The following VPS53 variants were observed in gnomAD, a reference collection of about 807,000 sequenced individuals.
VPS53 encodes VPS53 subunit of GARP complex.
A neutral mutation model predicts 107.0 loss-of-function variants in VPS53; 70 were observed. The observed-to-expected ratio is 0.65, with a 90% CI of 0.54 to 0.80. The LOEUF (loss-of-function observed/expected upper bound fraction) is 0.80, where lower values mean the gene tolerates loss of function less well. Ranked by LOEUF, VPS53 falls within the 30% of genes least tolerant of loss-of-function variation. The pLI is 0.00. For missense variants in VPS53, 917 were observed against 1,049.4 expected (o/e 0.87, Z 1.74); for synonymous variants, 409 against 393.3 (o/e 1.04, Z -0.47).
intron 7 of VPS53, among the ~76,000 whole-genome samples, chr17:633,844 T>G (rs1371537222): frequency 6.6e-6 from 1 of 152,190 alleles, no homozygotes; most frequent in Non-Finnish European, 1.5e-5. Flanking sequence ...CTTCGGAGCT[T>G]CTTGTGATGC....
chr17:714,419 G>A (rs915260252), intron 1 of VPS53: 42 of 584,000 alleles, frequency 7.2e-5, no homozygotes, highest in Non-Finnish European at 9.9e-5. Context: ...CCTCGCCAAA[G>A]ACAATCAAAG....
At position 512,833 on chromosome 17, in the gene VPS53, T is replaced by G. The variant is rs1908035263; in HGVS notation, c.*6295A>C. The G allele has an allele frequency of 6.6e-6, 1 of 151,416 alleles. No homozygotes were observed. The highest frequency in any genetic ancestry group is 2.1e-4 in the South Asian group (1 of 4,764). 9.4% of individuals were successfully genotyped at this position (151,416 alleles called of 1,614,324 possible). On this transcript the variant is annotated 3_prime_UTR_variant, in exon 22 of 22. Coordinates refer to ENST00000437048, the MANE Select transcript of VPS53 (RefSeq NM_001128159.3). ...CACAAGACTTCCCAAAGAGTTTTCA[T>G]GGCAAAACGTCCATCCAGCTACTAA...
chr17:687,475 C>G (rs1411017963), intron 4 of VPS53, among the ~76,000 whole-genome samples: 2 of 151,480 alleles, frequency 1.3e-5, no homozygotes, highest in Non-Finnish European at 2.9e-5. Context: ...ACTCAGGAGG[C>G]TGAGGCAGGG....
chr17:714,719 C>G lies in VPS53; in HGVS notation c.-10G>C, dbSNP rs764806197. The G allele has an allele frequency of 1.2e-6, 2 of 1,613,370 alleles. No homozygotes were observed. Among genetic ancestry groups the G allele is most frequent in the South Asian group, 1.1e-5 (1 of 91,076 alleles). On this transcript the variant is annotated 5_prime_UTR_variant, in exon 1 of 22. Transcript: ENST00000437048. ...CCTCCTCCTCCATCATTCCGCCACC[C>G]GGCCCCCTGCCGACCCCCGCCGCGA...
intron 11 of VPS53, among the ~76,000 whole-genome samples, chr17:610,178 C>G (rs945251073): frequency 1.6e-5 from 2 of 124,206 alleles, no homozygotes; most frequent in African/African-American, 6.3e-5. Flanking sequence ...CACACACACA[C>G]AAATTAGTAG....
intron 7 of VPS53, among the ~76,000 whole-genome samples, chr17:641,233 G>A (rs1462541851): frequency 6.6e-6 from 1 of 152,188 alleles, no homozygotes; most frequent in Non-Finnish European, 1.5e-5. Context: ...ATCACTGATG[G>A]TATCTATAGA....
chr17:660,355 G>A (rs1447723296), intron 5 of VPS53, among the ~76,000 whole-genome samples: 1 of 152,158 alleles, frequency 6.6e-6, no homozygotes, highest in Non-Finnish European at 1.5e-5. Flanking sequence ...CACTGAAAGA[G>A]CTCAACAAAG....
At chr17:626,072 G>A (rs1380149522) in intron 10 of VPS53, among the ~76,000 whole-genome samples, 1 of 152,136 alleles carries the variant, frequency 6.6e-6, no homozygotes, top group Non-Finnish European at 1.5e-5. Context: ...TAGCCGGTGT[G>A]GTGGCACACA....
Position 541,191 on chromosome 17 carries a change from C to G in VPS53, c.1867-4015G>C, listed in dbSNP as rs553209975. ...TTACTCAGGCACACACGTACACGCT[C>G]ACTCTCACTCTGATGCCTGGTGGGG... On this transcript the variant is annotated intron_variant, in intron 17 of 21. Transcript: ENST00000437048. Among the ~76,000 whole-genome samples the G allele has an allele frequency of 2.0e-5, 3 of 152,334 alleles. No homozygotes were observed. The East Asian group carries it at 5.8e-4, about 29-fold the overall frequency.
In VPS53 at chr17:679,750, G is replaced by C. The variant is rs7226081; in HGVS notation, c.285+17668C>G. Among the ~76,000 whole-genome samples the C allele has an allele frequency of 5.2e-3, 795 of 152,288 alleles. 8 individuals carry two copies. Among genetic ancestry groups the C allele is most frequent in the African/African-American group, 0.018 (761 of 41,538 alleles). On this transcript the variant is annotated intron_variant, in intron 4 of 21. Transcript: ENST00000437048. Reference sequence around the variant, plus strand: ...TGGGTCAATTGTTTCAAAGACTTCAGGGACTTCAGGGTATATTATCTATAG... The same window carrying C: ...TGGGTCAATTGTTTCAAAGACTTCACGGACTTCAGGGTATATTATCTATAG...
At chr17:546,109 T>A (rs921034366) in intron 17 of VPS53, among the ~76,000 whole-genome samples, 1 of 152,194 alleles carries the variant, frequency 6.6e-6, no homozygotes, top group Non-Finnish European at 1.5e-5. Flanking sequence ...GTGAAAAGAA[T>A]AGTCGTTTCA....
chr17:533,843 C>CT (rs11286082), intron 18 of VPS53, among the ~76,000 whole-genome samples: 4,242 of 147,262 alleles, frequency 0.029, 61 homozygotes, highest in East Asian at 0.068. Flanking sequence ...AAATCATAAA[C>CT]TTTTTTTTTT....
intron 18 of VPS53, among the ~76,000 whole-genome samples, chr17:536,140 A>G (rs1036898936): frequency 2.6e-5 from 4 of 152,172 alleles, no homozygotes; most frequent in Non-Finnish European, 5.9e-5. Flanking sequence ...TCCTCGCTTC[A>G]AAACTCAGGG....
At chr17:565,569 T>C (rs913668060) in intron 13 of VPS53, among the ~76,000 whole-genome samples, 1 of 152,164 alleles carries the variant, frequency 6.6e-6, no homozygotes, top group Non-Finnish European at 1.5e-5. Flanking sequence ...GAAAGCTTCA[T>C]GGCCACCACT....
intron 11 of VPS53, among the ~76,000 whole-genome samples, chr17:614,583 G>A (rs567020308): frequency 5.1e-4 from 78 of 152,160 alleles, no homozygotes; most frequent in Non-Finnish European, 1.1e-3. Context: ...CATGAGGCGG[G>A]GGAATCTGTC....
At chr17:580,002 G>T (rs934386250) in intron 13 of VPS53, among the ~76,000 whole-genome samples, 5 of 125,034 alleles carry the variant, frequency 4.0e-5, no homozygotes, top group Admixed American at 1.6e-4. Context: ...CCTCCCTCAG[G>T]ACCTAATGCG....
intron 7 of VPS53, among the ~76,000 whole-genome samples, chr17:641,409 T>C (rs890431384): frequency 6.6e-6 from 1 of 152,234 alleles, no homozygotes; most frequent in Non-Finnish European, 1.5e-5. Context: ...AGGTTCCCAC[T>C]ACAAAGAGGT....
Position 710,261 on chromosome 17 carries a change from A to C in VPS53, c.168+272T>G, listed in dbSNP as rs10521109. On this transcript the variant is annotated intron_variant, in intron 2 of 21. Coordinates refer to ENST00000437048, the MANE Select transcript of VPS53 (RefSeq NM_001128159.3). The stretch of plus-strand genomic sequence containing the variant: ...CCCCACTTGTCCCTACTACATTATA[A>C]AAATCCTTTCCACTTTCAATTTACA... Among the ~76,000 whole-genome samples, 23,387 of 152,160 alleles carry C rather than the reference A, an allele frequency of 0.15. 1,936 individuals are homozygous for C. The highest frequency in any genetic ancestry group is 0.23 in the South Asian group (1,123 of 4,826).
chr17:684,574 T>G (rs1972514798), intron 4 of VPS53, among the ~76,000 whole-genome samples: 1 of 152,182 alleles, frequency 6.6e-6, no homozygotes, highest in Non-Finnish European at 1.5e-5. Context: ...GAAGAAATAT[T>G]CCATGTTCAT....
Sources: gnomAD v4.1 joint callset for allele counts (sites outside exome capture counted in the v4.1 genomes callset) on GRCh38, gnomAD v4.1.1 for gene constraint, MANE v1.5 for transcripts, NCBI Gene and HGNC (gene_info 2026-07-23, HGNC 2026-07-21) for gene names.